The following NOL4 variants were observed in gnomAD, a reference collection of about 807,000 sequenced individuals.
NOL4 encodes nucleolar protein 4.
NOL4 carries 17 observed loss-of-function variants against 75.9 expected under a neutral mutation model. That is an observed-to-expected ratio of 0.22 (90% CI 0.15 to 0.34). The LOEUF is 0.34. Among genes scored for constraint, NOL4 ranks in the 10% least tolerant of loss-of-function variants. The probability of loss-of-function intolerance (pLI) is 1.00; values close to 1 mark genes in which losing one functional copy is unlikely to be tolerated. For synonymous variants in NOL4, 292 were observed against 289.9 expected (o/e 1.01, Z -0.07); for missense variants, 614 against 793.5 (o/e 0.77, Z 2.72).
intron 1 of NOL4, among the ~76,000 whole-genome samples, chr18:34,147,385 A>G (rs4799746): frequency 0.6 from 90,767 of 151,886 alleles, 27,762 homozygotes; most frequent in African/African-American, 0.74. Context: ...TTTGAGATAC[A>G]TTCCATCAAT....
At chr18:34,220,109 A>C (rs1034982195) in intron 1 of NOL4, among the ~76,000 whole-genome samples, 1 of 152,192 alleles carries the variant, frequency 6.6e-6, no homozygotes, top group African/African-American at 2.4e-5. Flanking sequence ...TTCTTTTGGG[A>C]AAATAAGAGT....
chr18:34,156,847 G>C (rs2030496561), intron 1 of NOL4, among the ~76,000 whole-genome samples: 1 of 152,000 alleles, frequency 6.6e-6, no homozygotes, highest in African/African-American at 2.4e-5. Context: ...GCTGCACATA[G>C]TATAAAATCC....
In NOL4 at chr18:34,223,266, C is replaced by G; in HGVS notation, c.-13G>C. 1 of 1,611,642 alleles carries G rather than the reference C, an allele frequency of 6.2e-7. No individual in the cohort carries two copies. Among genetic ancestry groups the G allele is most frequent in the Non-Finnish European group, 8.5e-7 (1 of 1,179,318 alleles). ...GCTCGCTCTCCATGTTCCCCGCGCT[C>G]GGCCGCTGGCCGGATGCTCCCAGCG... On this transcript the variant is annotated 5_prime_UTR_variant, in exon 1 of 11. Transcript: ENST00000261592.
intron 5 of NOL4, among the ~76,000 whole-genome samples, chr18:34,040,309 A>G (rs1039691822): frequency 6.6e-6 from 1 of 151,826 alleles, no homozygotes; most frequent in Non-Finnish European, 1.5e-5. Flanking sequence ...GAATTTTTTC[A>G]TGACTATATA....
In NOL4 at chr18:33,852,189, CAA is replaced by C. The variant is rs886279889; in HGVS notation, c.*651_*652del. On this transcript the variant is annotated 3_prime_UTR_variant, in exon 11 of 11. Transcript: ENST00000261592. ...ACGTAGGCAAGGGTTTTTCCAGCAT[CAA>C]GTGTTATTTTTGTAGAAAGAATTTG... 15 of 152,360 alleles carry C rather than the reference CAA, an allele frequency of 9.8e-5. No homozygotes were observed. The highest frequency in any genetic ancestry group is 1.6e-4 in the Non-Finnish European group (11 of 67,992). 9.4% of individuals were successfully genotyped at this position (152,360 alleles called of 1,614,324 possible). A position where few individuals can be genotyped will look rare whatever the true frequency, so the allele number is the denominator to read the frequency against.
intron 1 of NOL4, among the ~76,000 whole-genome samples, chr18:34,173,223 C>T (rs2033214547): frequency 6.6e-6 from 1 of 152,018 alleles, no homozygotes; most frequent in Non-Finnish European, 1.5e-5. Flanking sequence ...CAGAGTAGAA[C>T]AGTCATTTCC....
chr18:34,177,407 T>A (rs1013605265), intron 1 of NOL4, among the ~76,000 whole-genome samples: 1 of 151,960 alleles, frequency 6.6e-6, no homozygotes. Context: ...GTTGTACATA[T>A]GAAATATGTA....
Position 34,224,499 on chromosome 18 carries a change from G to A in NOL4, c.-1246C>T, listed in dbSNP as rs186822323. On this transcript the variant is annotated 5_prime_UTR_variant, in exon 1 of 11. Transcript: ENST00000261592. ...CATTTGTTTCCAGAGCTGGAAATAG[G>A]GGAGTTCCCATCCTCCTCGCGCGGC... The A allele has an allele frequency of 5.9e-5, 9 of 152,448 alleles. No individual in the cohort carries two copies. In the East Asian group the frequency reaches 1.7e-3, roughly 30 times the overall value. 9.4% of individuals were successfully genotyped at this position (152,448 alleles called of 1,614,324 possible).
chr18:33,961,763 C>T (rs374240180), intron 6 of NOL4, among the ~76,000 whole-genome samples: 6 of 151,822 alleles, frequency 4.0e-5, no homozygotes, highest in South Asian at 2.1e-4. Context: ...GGTAACACTA[C>T]ACAGGATTTC....
At chr18:33,886,385 G>C (rs1042526274) in intron 9 of NOL4, among the ~76,000 whole-genome samples, 10 of 151,658 alleles carry the variant, frequency 6.6e-5, no homozygotes. Context: ...AAAATTAGCT[G>C]GGCGTGGTGG....
chr18:34,110,869 G>T (rs553314051), intron 2 of NOL4, among the ~76,000 whole-genome samples: 7 of 152,066 alleles, frequency 4.6e-5, no homozygotes, highest in African/African-American at 1.7e-4. Flanking sequence ...AAAATCAGCT[G>T]AATGTTTATA....
At chr18:33,935,065 A>G (rs868279283) in intron 9 of NOL4, among the ~76,000 whole-genome samples, 27 of 151,966 alleles carry the variant, frequency 1.8e-4, no homozygotes, top group African/African-American at 6.5e-4. Flanking sequence ...GGGTCTCACT[A>G]TGTTCGCCAG....
Position 33,898,173 on chromosome 18 carries a change from A to G in NOL4, c.1543-14749T>C, listed in dbSNP as rs374335597. ...AGCAATCCTTCTGCCTTGGCCTCCC[A>G]AAGTGCTAGGATTATAGATGTGAGC... On this transcript the variant is annotated intron_variant, in intron 9 of 10. Transcript: ENST00000261592. Among the ~76,000 whole-genome samples, 7 of 152,286 alleles carry G rather than the reference A, an allele frequency of 4.6e-5. No homozygotes were observed. In the East Asian group the frequency reaches 1.2e-3, roughly 25 times the overall value.
intron 1 of NOL4, among the ~76,000 whole-genome samples, chr18:34,211,490 A>G (rs1350476705): frequency 1.3e-5 from 2 of 152,174 alleles, no homozygotes; most frequent in Non-Finnish European, 2.9e-5. Context: ...AGATCCCCAT[A>G]TGTGCCTCTT....
At chr18:34,171,454 T>A (rs1467139376) in intron 1 of NOL4, among the ~76,000 whole-genome samples, 1 of 152,164 alleles carries the variant, frequency 6.6e-6, no homozygotes, top group Non-Finnish European at 1.5e-5. Context: ...TGAGCCACCA[T>A]ATCACCTATG....
At chr18:34,117,927 A>T (rs1568363205) in intron 2 of NOL4, among the ~76,000 whole-genome samples, 1 of 152,214 alleles carries the variant, frequency 6.6e-6, no homozygotes. Flanking sequence ...AAGCAAACAA[A>T]AATAAGCTAA....
intron 5 of NOL4, among the ~76,000 whole-genome samples, chr18:34,044,099 T>A (rs2076257785): frequency 6.6e-6 from 1 of 152,068 alleles, no homozygotes; most frequent in South Asian, 2.1e-4. Context: ...TATAAAAAAT[T>A]GTGTTATTTC....
chr18:33,891,187 G>A (rs2065071257), intron 9 of NOL4, among the ~76,000 whole-genome samples: 1 of 151,960 alleles, frequency 6.6e-6, no homozygotes, highest in Admixed American at 6.6e-5. Context: ...TGCTCACATG[G>A]ATTAATTTTT....
intron 1 of NOL4, among the ~76,000 whole-genome samples, chr18:34,134,130 G>A (rs1285948623): frequency 1.3e-5 from 2 of 151,878 alleles, no homozygotes; most frequent in African/African-American, 4.8e-5. Flanking sequence ...AACATATATA[G>A]ATGTTTTACA....
Sources: gnomAD v4.1 joint callset for allele counts (sites outside exome capture counted in the v4.1 genomes callset) on GRCh38, gnomAD v4.1.1 for gene constraint, MANE v1.5 for transcripts, NCBI Gene and HGNC (gene_info 2026-07-23, HGNC 2026-07-21) for gene names.